TENM3: variants seen among roughly 807,000 people sequenced by gnomAD.
The protein encoded by TENM3 is teneurin-3.
In TENM3, 63 loss-of-function variants were observed where a neutral mutation model predicts 255.1. That is an observed-to-expected ratio of 0.25 (90% CI 0.20 to 0.30). The LOEUF (loss-of-function observed/expected upper bound fraction) is 0.30. TENM3 is among the 10% of genes least tolerant of loss of function. The pLI is 1.00. For missense variants in TENM3, 2,929 were observed against 3,461.1 expected (o/e 0.85, Z 3.86); for synonymous variants, 1,306 against 1,322.3 (o/e 0.99, Z 0.27).
chr4:181,805,157 C>T, the TENM3 span, among the ~76,000 whole-genome samples: 1 of 152,154 alleles, frequency 6.6e-6, no homozygotes, highest in Non-Finnish European at 1.5e-5. Flanking sequence ...ACATCCTTCC[C>T]CAAGAAAAAG....
chr4:181,623,970 G>A, the TENM3 span, among the ~76,000 whole-genome samples: 3 of 152,174 alleles, frequency 2.0e-5, no homozygotes, highest in Admixed American at 6.5e-5. Flanking sequence ...CTCAACAAAG[G>A]CCTTGTCCTT....
chr4:181,957,173 G>A, the TENM3 span, among the ~76,000 whole-genome samples: 28 of 152,274 alleles, frequency 1.8e-4, no homozygotes, highest in African/African-American at 6.0e-4. Context: ...GTAAATCCAT[G>A]TAGACTGTGT....
At chr4:182,174,023 A>G (rs1483842557) in intron 1 of TENM3, among the ~76,000 whole-genome samples, 1 of 152,096 alleles carries the variant, frequency 6.6e-6, no homozygotes, top group Non-Finnish European at 1.5e-5. Flanking sequence ...TGTAAGCCAT[A>G]AAACATTTAA....
At chr4:182,738,356 C>G (rs1484988011) in intron 17 of TENM3, 45 bp from the exon 18 acceptor site, 2 of 1,511,120 alleles carry the variant, frequency 1.3e-6, no homozygotes, top group South Asian at 1.3e-5. Context: ...AATTGCATTT[C>G]CCCCAGTCGT....
chr4:182,508,189 A>G (rs935224032), intron 3 of TENM3, among the ~76,000 whole-genome samples: 22 of 152,232 alleles, frequency 1.4e-4, no homozygotes, highest in Non-Finnish European at 1.5e-4. Flanking sequence ...CCTGGCTCAC[A>G]GTAAATGCTC....
chr4:182,101,258 G>A, the TENM3 span, among the ~76,000 whole-genome samples: 2 of 7,402 alleles, frequency 2.7e-4, no homozygotes, highest in African/African-American at 4.7e-4. Context: ...GAGGGAGGAA[G>A]GAAAGAAGGA....
the TENM3 span, among the ~76,000 whole-genome samples, chr4:181,758,424 T>C: frequency 1.3e-5 from 2 of 152,294 alleles, no homozygotes; most frequent in African/African-American, 2.4e-5. Flanking sequence ...GAAGAGGGGA[T>C]GCAGATCAGA....
the TENM3 span, among the ~76,000 whole-genome samples, chr4:181,823,242 A>C: frequency 2.6e-5 from 4 of 152,162 alleles, no homozygotes; most frequent in South Asian, 8.3e-4. Context: ...ATATGTGAGG[A>C]ACCTCTGAAT....
chr4:181,830,044 G>A, the TENM3 span: 11,877 of 152,232 alleles, frequency 0.078, 1,053 homozygotes, highest in East Asian at 0.53. Flanking sequence ...TCTAGCAGGA[G>A]AGAGAAAAGC....
intron 3 of TENM3, among the ~76,000 whole-genome samples, chr4:182,361,036 G>A (rs1765936776): frequency 6.6e-6 from 1 of 152,194 alleles, no homozygotes; most frequent in Non-Finnish European, 1.5e-5. Flanking sequence ...CTTTAAGAAT[G>A]TTTAATATTG....
At chr4:182,531,982 G>A (rs892053718) in intron 3 of TENM3, among the ~76,000 whole-genome samples, 10 of 152,318 alleles carry the variant, frequency 6.6e-5, no homozygotes, top group South Asian at 2.1e-4. Flanking sequence ...TTTTAAAGCC[G>A]TCTCGGGACT....
At chr4:182,503,568 G>C (rs998544333) in intron 3 of TENM3, among the ~76,000 whole-genome samples, 1 of 152,244 alleles carries the variant, frequency 6.6e-6, no homozygotes, top group East Asian at 1.9e-4. Flanking sequence ...TTGCAGGTTG[G>C]CAGTGGCATT....
chr4:182,030,076 G>GTTA, the TENM3 span, among the ~76,000 whole-genome samples: 1 of 137,930 alleles, frequency 7.3e-6, no homozygotes, highest in Non-Finnish European at 1.5e-5. Context: ...TGTTGTTGTT[G>GTTA]TTGTATTTTA....
At chr4:182,655,321 C>T (rs1753662415) in intron 6 of TENM3, among the ~76,000 whole-genome samples, 1 of 151,962 alleles carries the variant, frequency 6.6e-6, no homozygotes, top group Non-Finnish European at 1.5e-5. Flanking sequence ...GTAATTATAC[C>T]AAAGAGACAA....
the TENM3 span, among the ~76,000 whole-genome samples, chr4:182,034,095 A>T: frequency 6.6e-6 from 1 of 152,212 alleles, no homozygotes; most frequent in African/African-American, 2.4e-5. Context: ...GGCGTGTTGT[A>T]CATGGCAGCA....
chr4:182,597,455 C>T (rs1747374381), intron 3 of TENM3, among the ~76,000 whole-genome samples: 1 of 152,060 alleles, frequency 6.6e-6, no homozygotes, highest in South Asian at 2.1e-4. Flanking sequence ...TCTCTATTTT[C>T]AGTAACAGAA....
chr4:182,435,305 A>G (rs774251498), intron 3 of TENM3, among the ~76,000 whole-genome samples: 1 of 152,194 alleles, frequency 6.6e-6, no homozygotes, highest in Non-Finnish European at 1.5e-5. Flanking sequence ...TGTTTATTAC[A>G]TGACTTCTTC....
chr4:181,470,108 T>TAAAAAAAAAAAAAAAAAAAAA, the TENM3 span, among the ~76,000 whole-genome samples: 25 of 112,740 alleles, frequency 2.2e-4, no homozygotes, highest in African/African-American at 7.5e-4. Flanking sequence ...ATAGCTTCTG[T>TAAAAAAAAAAAAAAAAAAAAA]AAAAAAAAAA....
At chr4:182,163,166 G>A (rs979958637) in intron 1 of TENM3, among the ~76,000 whole-genome samples, 3 of 152,106 alleles carry the variant, frequency 2.0e-5, no homozygotes, top group African/African-American at 7.2e-5. Flanking sequence ...CTCACTGGCA[G>A]TTTCCTCTCT....
Sources: allele counts gnomAD v4.1 joint callset (sites outside exome capture counted in the v4.1 genomes callset), GRCh38; gene constraint gnomAD v4.1.1; transcripts MANE v1.5; gene names NCBI Gene and HGNC (gene_info 2026-07-23, HGNC 2026-07-21).